The following STON2 variants were observed in gnomAD, a reference collection of about 807,000 sequenced individuals.
The protein encoded by STON2 is stonin-2.
STON2 carries 29 observed loss-of-function variants against 65.7 expected under a neutral mutation model. The ratio of observed to expected loss-of-function variants is 0.44; its 90% CI spans 0.33 to 0.60. The LOEUF is 0.60. Among genes scored for constraint, STON2 ranks in the 20% least tolerant of loss-of-function variants. STON2 has a pLI of 0.03. For synonymous variants in STON2, 404 were observed against 414.2 expected, an observed-to-expected ratio of 0.98 and a Z score of 0.30; for missense variants, 1,054 against 1,118.1, an observed-to-expected ratio of 0.94 and a Z score of 0.82.
chr14:81,356,315 G>C (rs1169486563), intron 4 of STON2, among the ~76,000 whole-genome samples: 1 of 152,178 alleles, frequency 6.6e-6, no homozygotes, highest in African/African-American at 2.4e-5. Flanking sequence ...TACATTTATT[G>C]ATTTGCGTAT....
intron 3 of STON2, chr14:81,394,988 A>C (rs1290122740): frequency 6.6e-6 from 1 of 152,242 alleles, no homozygotes. Context: ...CACCTGTGGC[A>C]TACTTCAGTG....
chr14:81,414,303 G>A (rs1470672822), intron 2 of STON2, among the ~76,000 whole-genome samples: 4 of 152,236 alleles, frequency 2.6e-5, no homozygotes, highest in African/African-American at 7.2e-5. Flanking sequence ...TACAAGTTAG[G>A]ACATGATCAT....
At chr14:81,340,401 T>G (rs1024224950) in intron 4 of STON2, among the ~76,000 whole-genome samples, 1 of 152,142 alleles carries the variant, frequency 6.6e-6, no homozygotes, top group African/African-American at 2.4e-5. Flanking sequence ...CACAGGTGGG[T>G]ACATGTGTCA....
intron 2 of STON2, among the ~76,000 whole-genome samples, chr14:81,414,112 T>C (rs548828704): frequency 7.2e-6 from 1 of 139,210 alleles, no homozygotes; most frequent in Non-Finnish European, 1.5e-5. Context: ...GGACAAGGAA[T>C]TCTGGTGGAG....
chr14:81,268,716 A>C lies in STON2; in HGVS notation c.2785-219T>G, dbSNP rs1894455052. 3 of 875,414 alleles carry C rather than the reference A, an allele frequency of 3.4e-6. No individual in the cohort carries two copies. In the South Asian group the frequency reaches 1.6e-4, roughly 46 times the overall value. The allele number at this position is 875,414 out of a possible 1,614,324, so 54.2% of individuals were successfully genotyped here. Reference sequence around the variant, plus strand: ...TGTAATTCCCTTTCCCTCATGGTCCACCAGGAAAATTCTTATTCTTTGCCT... The same window carrying C: ...TGTAATTCCCTTTCCCTCATGGTCCCCCAGGAAAATTCTTATTCTTTGCCT... On this transcript the variant is annotated intron_variant, in intron 7 of 7. Coordinates refer to ENST00000614646, the MANE Select transcript of STON2 (RefSeq NM_001394390.1).
At chr14:81,357,194 A>C (rs1287895978) in intron 4 of STON2, among the ~76,000 whole-genome samples, 1 of 151,560 alleles carries the variant, frequency 6.6e-6, no homozygotes, top group African/African-American at 2.4e-5. Context: ...AACTCAAACA[A>C]ATTTACAAGA....
At chr14:81,296,762 T>C (rs973791555) in intron 5 of STON2, among the ~76,000 whole-genome samples, 1 of 152,200 alleles carries the variant, frequency 6.6e-6, no homozygotes, top group African/African-American at 2.4e-5. Context: ...GGAATTTCTA[T>C]GCTACTTCAA....
intron 6 of STON2, 107 bp from the exon 7 acceptor site, chr14:81,270,979 G>A (rs889447176): frequency 7.5e-5 from 108 of 1,433,276 alleles, no homozygotes; most frequent in Middle Eastern, 2.6e-4. Flanking sequence ...CTCGGCACCC[G>A]GCAGCCTTTC....
intron 5 of STON2, among the ~76,000 whole-genome samples, chr14:81,312,136 CAT>C (rs1368420352): frequency 2.0e-5 from 3 of 152,318 alleles, no homozygotes; most frequent in African/African-American, 7.2e-5. Context: ...AGAGAGATTA[CAT>C]GATTGTCTTA....
chr14:81,294,039 T>C (rs187919283), intron 5 of STON2, among the ~76,000 whole-genome samples: 1 of 152,332 alleles, frequency 6.6e-6, no homozygotes, highest in African/African-American at 2.4e-5. Context: ...GAATAAGTTA[T>C]TTTCGCTCAC....
intron 5 of STON2, among the ~76,000 whole-genome samples, chr14:81,284,815 G>A (rs1405031531): frequency 6.6e-6 from 1 of 152,158 alleles, no homozygotes; most frequent in African/African-American, 2.4e-5. Context: ...TGTGGCTGGT[G>A]ACTTTAAGTT....
intron 5 of STON2, among the ~76,000 whole-genome samples, chr14:81,292,262 T>C (rs953587049): frequency 6.6e-6 from 1 of 152,192 alleles, no homozygotes; most frequent in African/African-American, 2.4e-5. Flanking sequence ...GATCATGTTA[T>C]CTCACATCAG....
chr14:81,392,270 A>G (rs72689301), intron 3 of STON2, among the ~76,000 whole-genome samples: 2,138 of 152,284 alleles, frequency 0.014, 25 homozygotes, highest in South Asian at 0.043. Flanking sequence ...GAGCTGCGGA[A>G]GTTTGTGCCA....
intron 5 of STON2, among the ~76,000 whole-genome samples, chr14:81,308,402 C>T (rs954478449): frequency 6.6e-6 from 1 of 152,116 alleles, no homozygotes; most frequent in African/African-American, 2.4e-5. Flanking sequence ...CGGAGTTTTG[C>T]CATGTTGGCC....
In STON2 at chr14:81,330,360, C is replaced by G. The variant is rs76620892; in HGVS notation, c.572-6173G>C. ...CTCCCTTTGTGTGCCAGGCACTGAG[C>G]TGGACACTGTAGAGACTGAGTTACG... On this transcript the variant is annotated intron_variant, in intron 4 of 7. Transcript: ENST00000614646. Among the ~76,000 whole-genome samples, 462 of 152,196 alleles carry G rather than the reference C, an allele frequency of 3.0e-3. 3 individuals are homozygous for G. The highest frequency in any genetic ancestry group is 0.01 in the African/African-American group (436 of 41,528).
Position 81,389,477 on chromosome 14 carries a change from G to C in STON2, c.373+6417C>G, listed in dbSNP as rs138035416. Among the ~76,000 whole-genome samples, 3 of 152,342 alleles carry C rather than the reference G, an allele frequency of 2.0e-5. No individual in the cohort carries two copies. The East Asian group carries it at 5.8e-4, about 29-fold the overall frequency. ...CCCAAAATAGATCTAACATCTGACT[G>C]ATGGAAATTAATGAACTAAGAAAAG... On this transcript the variant is annotated intron_variant, in intron 3 of 7. Transcript: ENST00000614646.
At position 81,261,864 on chromosome 14, in the gene STON2, C is replaced by CT. The variant is rs766779596; in HGVS notation, c.*6549dup. 2.0e-6 allele frequency: 3 copies of CT among 1,530,506 alleles called. No homozygotes were observed. The South Asian group carries it at 3.6e-5, about 18-fold the overall frequency. The allele number at this position is 1,530,506 out of a possible 1,614,324, so 94.8% of individuals were successfully genotyped here. ...GATCTTCACCACCCTCTTTGATCCT[C>CT]TTTTTAAATCTGTGTGTGGAAGGCA... On this transcript the variant is annotated 3_prime_UTR_variant, in exon 8 of 8. Coordinates refer to ENST00000614646, the MANE Select transcript of STON2 (RefSeq NM_001394390.1).
intron 7 of STON2, chr14:81,270,457 T>A (rs1051762731): frequency 8.8e-6 from 13 of 1,477,168 alleles, no homozygotes; most frequent in East Asian, 4.6e-5. Flanking sequence ...ATGAGCCTCT[T>A]TATTTTTTTC....
At chr14:81,331,101 G>A (rs1347292895) in intron 4 of STON2, among the ~76,000 whole-genome samples, 1 of 152,208 alleles carries the variant, frequency 6.6e-6, no homozygotes, top group Non-Finnish European at 1.5e-5. Context: ...ATGTGTGCAG[G>A]CTTGTGTGTG....
Sources: allele counts gnomAD v4.1 joint callset (sites outside exome capture counted in the v4.1 genomes callset), GRCh38; gene constraint gnomAD v4.1.1; transcripts MANE v1.5; gene names NCBI Gene and HGNC (gene_info 2026-07-23, HGNC 2026-07-21).